SIPA1L1: variants seen among roughly 807,000 people sequenced by gnomAD.
SIPA1L1 encodes the protein signal induced proliferation associated 1 like 1.
In SIPA1L1, 26 loss-of-function variants were observed where a neutral mutation model predicts 162.7. The observed-to-expected ratio is 0.16, with a 90% CI of 0.12 to 0.22. The LOEUF (loss-of-function observed/expected upper bound fraction) is 0.22, where lower values mean the gene tolerates loss of function less well. Ranked by LOEUF, SIPA1L1 falls within the 10% of genes least tolerant of loss-of-function variation. The probability of loss-of-function intolerance (pLI) is 1.00; values close to 1 mark genes in which losing one functional copy is unlikely to be tolerated. For synonymous variants in SIPA1L1, 829 were observed against 837.4 expected, an observed-to-expected ratio of 0.99 and a Z score of 0.17; for missense variants, 1,874 against 2,241.0, an observed-to-expected ratio of 0.84 and a Z score of 3.31.
At chr14:71,360,027 G>A (rs1018020077) in intron 2 of SIPA1L1, among the ~76,000 whole-genome samples, 1 of 152,172 alleles carries the variant, frequency 6.6e-6, no homozygotes, top group Non-Finnish European at 1.5e-5. Flanking sequence ...GGATGAGGAA[G>A]GAAGTGAAGG....
intron 2 of SIPA1L1, among the ~76,000 whole-genome samples, chr14:71,503,091 T>C (rs1397805118): frequency 6.6e-6 from 1 of 152,208 alleles, no homozygotes; most frequent in Non-Finnish European, 1.5e-5. Flanking sequence ...ATGTGCTTGA[T>C]AAATTTTAGC....
At chr14:71,549,795 A>AT (rs1481693592) in intron 4 of SIPA1L1, among the ~76,000 whole-genome samples, 4 of 152,108 alleles carry the variant, frequency 2.6e-5, no homozygotes, top group Non-Finnish European at 5.9e-5. Context: ...TTTCTTATGT[A>AT]TTTCTTCCTC....
At chr14:71,495,466 A>G (rs907382803) in intron 2 of SIPA1L1, among the ~76,000 whole-genome samples, 2 of 151,522 alleles carry the variant, frequency 1.3e-5, no homozygotes, top group Non-Finnish European at 2.9e-5. Flanking sequence ...TGTAGGGTCA[A>G]TAGTGATGCT....
At chr14:71,373,790 G>A (rs2039120641) in intron 2 of SIPA1L1, among the ~76,000 whole-genome samples, 1 of 152,000 alleles carries the variant, frequency 6.6e-6, no homozygotes, top group African/African-American at 2.4e-5. Context: ...CCCTGGTTGG[G>A]CTCAGTGGCT....
intron 23 of SIPA1L1, 135 bp from the exon 24 acceptor site, chr14:71,738,883 G>GT: frequency 8.0e-6 from 8 of 998,048 alleles, no homozygotes; most frequent in Non-Finnish European, 1.0e-5. Context: ...ATACCAGTCC[G>GT]TTTAGACAGG....
intron 3 of SIPA1L1, among the ~76,000 whole-genome samples, chr14:71,517,897 G>T (rs2051906085): frequency 6.6e-6 from 1 of 152,030 alleles, no homozygotes; most frequent in Non-Finnish European, 1.5e-5. Context: ...ATATTTTGTT[G>T]ATATGATTTT....
At chr14:71,561,420 A>G (rs2056779716) in intron 4 of SIPA1L1, among the ~76,000 whole-genome samples, 1 of 152,224 alleles carries the variant, frequency 6.6e-6, no homozygotes, top group Non-Finnish European at 1.5e-5. Flanking sequence ...ATCCAATAGC[A>G]TTGTACAATC....
At chr14:71,400,791 C>G (rs2041612363) in intron 2 of SIPA1L1, 1 of 152,140 alleles carries the variant, frequency 6.6e-6, no homozygotes, top group South Asian at 2.1e-4. Flanking sequence ...GTATTTGCTT[C>G]AGGTCTTAAA....
intron 13 of SIPA1L1, among the ~76,000 whole-genome samples, chr14:71,692,543 A>G (rs920333935): frequency 2.0e-5 from 3 of 152,146 alleles, no homozygotes; most frequent in Non-Finnish European, 4.4e-5. Context: ...CCATGTCAGG[A>G]TTAGAGTTGA....
chr14:71,373,856 A>G (rs1163794287), intron 2 of SIPA1L1, among the ~76,000 whole-genome samples: 1 of 152,108 alleles, frequency 6.6e-6, no homozygotes, highest in African/African-American at 2.4e-5. Context: ...GCTTGAGGCC[A>G]GGAGTTCAAG....
intron 2 of SIPA1L1, among the ~76,000 whole-genome samples, chr14:71,453,996 C>CAAAAAAAAAA (rs751420064): frequency 1.3e-5 from 1 of 76,556 alleles, no homozygotes; most frequent in Non-Finnish European, 2.2e-5. Context: ...GAGATTGTTT[C>CAAAAAAAAAA]AAAAAAAAAA....
chr14:71,494,226 A>C lies in SIPA1L1; in HGVS notation c.-464-18517A>C, dbSNP rs149387802. ...TCCTGATGTTAGAGGGAAAGCTTTC[A>C]GTCTTTTACTGTTGGTATGATGTTT... On this transcript the variant is annotated intron_variant, in intron 2 of 23. Coordinates refer to ENST00000381232, the MANE Select transcript of SIPA1L1 (RefSeq NM_001386936.1). Among the ~76,000 whole-genome samples, 154 of 152,268 alleles carry C rather than the reference A, an allele frequency of 1.0e-3. No individual in the cohort carries two copies. The East Asian group carries it at 0.021, about 21-fold the overall frequency.
chr14:71,618,740 G>A lies in SIPA1L1; in HGVS notation c.1499-17G>A. 8.1e-6 allele frequency: 13 copies of A among 1,607,176 alleles called. No homozygotes were observed. The highest frequency in any genetic ancestry group is 1.1e-5 in the Non-Finnish European group (13 of 1,176,846). On this transcript the variant is annotated splice_polypyrimidine_tract_variant and intron_variant, in intron 5 of 23. Transcript: ENST00000381232. Reference sequence around the variant, plus strand: ...TAGGTAGATTTTCTAACTTTGTTTTGTCTTATTTTACCTAAGAACACTGGA... The same window carrying A: ...TAGGTAGATTTTCTAACTTTGTTTTATCTTATTTTACCTAAGAACACTGGA...
intron 2 of SIPA1L1, among the ~76,000 whole-genome samples, chr14:71,335,233 C>T (rs911593213): frequency 9.9e-5 from 15 of 152,170 alleles, no homozygotes; most frequent in Admixed American, 2.0e-4. Flanking sequence ...ACCCAGGAGG[C>T]GGAGCTTGCA....
Position 71,588,334 on chromosome 14 carries a change from C to G in SIPA1L1, c.462C>G (p.Leu154=). The stretch of plus-strand genomic sequence containing the variant: ...CGGAGAACATGGACTCCAGATTTCT[C>G]ATGCCTGAAGCCTACCCCAGCTCCC... ...RPSENMDSRF[L]MPEAYPSSPR... The change falls in exon 5 of 24, where the codon CTC becomes CTG. Residue 154 remains leucine (L), a synonymous_variant. Transcript: ENST00000381232. This position sits in a 1 kb window ranked among gnomAD's most constrained non-coding sequence, Gnocchi z 4.3. The G allele has an allele frequency of 8.1e-6, 13 of 1,613,722 alleles. No homozygotes were observed. Among genetic ancestry groups the G allele is most frequent in the Non-Finnish European group, 1.1e-5 (13 of 1,179,972 alleles).
intron 4 of SIPA1L1, among the ~76,000 whole-genome samples, chr14:71,581,174 TTAGTGGTGG>T (rs1420699856): frequency 6.6e-6 from 1 of 152,056 alleles, no homozygotes; most frequent in Non-Finnish European, 1.5e-5. Flanking sequence ...TTTAATAAAA[TTAGTGGTGG>T]TAGTGGTGGT....
chr14:71,572,443 C>T (rs2032255983), intron 4 of SIPA1L1, among the ~76,000 whole-genome samples: 1 of 152,332 alleles, frequency 6.6e-6, no homozygotes, highest in Non-Finnish European at 1.5e-5. Context: ...CCTTCTTAGG[C>T]AGTTACTAAA....
At chr14:71,346,467 A>G (rs2036179301) in intron 2 of SIPA1L1, among the ~76,000 whole-genome samples, 1 of 152,146 alleles carries the variant, frequency 6.6e-6, no homozygotes, top group African/African-American at 2.4e-5. Context: ...TGAGATTTTT[A>G]GAAAGGTGTC....
At position 71,587,357 on chromosome 14, in the gene SIPA1L1, G is replaced by GT. The variant is rs879895661; in HGVS notation, c.-302-203dup. Among the ~76,000 whole-genome samples the GT allele has an allele frequency of 4.0e-3, 582 of 145,390 alleles. 10 individuals carry two copies. In the East Asian group the frequency reaches 0.045, roughly 11 times the overall value. On this transcript the variant is annotated intron_variant, in intron 4 of 23. Transcript: ENST00000381232. ...GTTCAATTAAGATGAAGTCTTAATA[G>GT]TTTTTTTTTTTAGAATATAAATTAT... is the stretch of plus-strand genomic sequence containing the variant.
Sources: allele counts gnomAD v4.1 joint callset (sites outside exome capture counted in the v4.1 genomes callset), GRCh38; gene constraint gnomAD v4.1.1; non-coding constraint Gnocchi (gnomAD v3.1); transcripts MANE v1.5; gene names NCBI Gene and HGNC (gene_info 2026-07-23, HGNC 2026-07-21).